VWA8: variants seen among roughly 807,000 people sequenced by gnomAD.
VWA8 encodes von Willebrand factor A domain-containing protein 8.
A neutral mutation model predicts 241.5 loss-of-function variants in VWA8; 221 were observed. That is an observed-to-expected ratio of 0.91 (90% CI 0.82 to 1.02). VWA8 has a LOEUF of 1.02. Ranked by LOEUF, VWA8 falls within the 50% of genes least tolerant of loss-of-function variation. The probability of loss-of-function intolerance (pLI) is 0.00; values close to 1 mark genes in which losing one functional copy is unlikely to be tolerated. For missense variants in VWA8, 2,322 were observed against 2,328.7 expected (o/e 1.00, Z 0.06); for synonymous variants, 852 against 827.1 (o/e 1.03, Z -0.52).
chr13:41,758,778 T>A (rs973488962), intron 21 of VWA8, among the ~76,000 whole-genome samples: 4 of 151,290 alleles, frequency 2.6e-5, no homozygotes, highest in African/African-American at 9.7e-5. Flanking sequence ...TAGTCTTTCA[T>A]TTTTAAATAT....
rs567585859 is a variant in VWA8, at chr13:41,724,307, A to G, written c.2759-2732T>C. 2.0e-5 allele frequency among the ~76,000 whole-genome samples: 3 copies of G among 152,326 alleles called. No homozygotes were observed. The South Asian group carries it at 6.2e-4, about 32-fold the overall frequency. ...TTTTGAGTACAAATGACTGTGAGGA[A>G]TTTTGTTACAAAGGAGAAGAAAAAA... On this transcript the variant is annotated intron_variant, in intron 24 of 44. Transcript: ENST00000379310.
intron 2 of VWA8, among the ~76,000 whole-genome samples, chr13:41,912,485 A>C (rs1012375505): frequency 1.3e-5 from 2 of 152,140 alleles, no homozygotes; most frequent in Admixed American, 6.5e-5. Context: ...CATTTGAATA[A>C]TAACCTATAA....
At chr13:41,830,405 G>T in intron 14 of VWA8, 124 bp downstream of exon 14, 1 of 785,666 alleles carries the variant, frequency 1.3e-6, no homozygotes, top group Non-Finnish European at 2.0e-6. Context: ...GGCATATCCA[G>T]GACACCAAAT....
chr13:41,795,629 A>G (rs1211124428), intron 17 of VWA8, among the ~76,000 whole-genome samples: 14 of 152,238 alleles, frequency 9.2e-5, no homozygotes, highest in African/African-American at 3.4e-4. Flanking sequence ...AAGGAATGAG[A>G]TAATGTCCTT....
intron 2 of VWA8, among the ~76,000 whole-genome samples, chr13:41,929,424 A>G (rs1877003258): frequency 6.6e-6 from 1 of 152,170 alleles, no homozygotes; most frequent in African/African-American, 2.4e-5. Context: ...AGGTACTGGG[A>G]TTACAGGCAT....
intron 44 of VWA8, 115 bp downstream of exon 44, chr13:41,570,353 G>T: frequency 1.1e-6 from 1 of 919,804 alleles, no homozygotes; most frequent in Non-Finnish European, 1.6e-6. Flanking sequence ...TTTAGTTTCT[G>T]TTTTTCCTCC....
chr13:41,898,723 C>A (rs1256662827), intron 4 of VWA8, among the ~76,000 whole-genome samples: 1 of 152,184 alleles, frequency 6.6e-6, no homozygotes, highest in Non-Finnish European at 1.5e-5. Context: ...AGGCCTGCCC[C>A]GCGGGAAGGC....
At chr13:41,704,755 C>A (rs1356737129) in intron 26 of VWA8, among the ~76,000 whole-genome samples, 1 of 152,082 alleles carries the variant, frequency 6.6e-6, no homozygotes, top group Admixed American at 6.6e-5. Flanking sequence ...AAGTGTAAGC[C>A]AAGTCTTCAC....
intron 5 of VWA8, among the ~76,000 whole-genome samples, chr13:41,888,371 G>T (rs951853427): frequency 6.6e-6 from 1 of 152,106 alleles, no homozygotes; most frequent in Non-Finnish European, 1.5e-5. Context: ...TCTTAAGATG[G>T]CACTTAAGGC....
Position 41,681,635 on chromosome 13 carries a change from T to C in VWA8, c.4327+3412A>G, listed in dbSNP as rs71427490. On this transcript the variant is annotated intron_variant, in intron 35 of 44. Coordinates refer to ENST00000379310, the MANE Select transcript of VWA8 (RefSeq NM_015058.2). ...CCATACTGGTAATGACTTACCAATA[T>C]GGGTGGTGGGTGCAAAGATGTTCTT... Among the ~76,000 whole-genome samples the C allele has an allele frequency of 7.8e-3, 1,192 of 152,222 alleles. 6 individuals are homozygous for C. The highest frequency in any genetic ancestry group is 0.016 in the South Asian group (78 of 4,828).
chr13:41,943,499 A>G (rs1173798254), intron 2 of VWA8, among the ~76,000 whole-genome samples: 1 of 152,244 alleles, frequency 6.6e-6, no homozygotes. Context: ...CACAATGAGC[A>G]CTAACTTTAA....
intron 13 of VWA8, among the ~76,000 whole-genome samples, chr13:41,833,048 T>TATAGAAA (rs1324543458): frequency 6.6e-6 from 1 of 152,106 alleles, no homozygotes; most frequent in Non-Finnish European, 1.5e-5. Context: ...TATAGAAACT[T>TATAGAAA]CAGCAATGTG....
chr13:41,693,537 G>C (rs1454599865), intron 29 of VWA8, among the ~76,000 whole-genome samples: 1 of 152,064 alleles, frequency 6.6e-6, no homozygotes, highest in Non-Finnish European at 1.5e-5. Context: ...AGCTAGTAAT[G>C]AATGTTCCTT....
At chr13:41,796,129 C>T (rs73183389) in intron 17 of VWA8, among the ~76,000 whole-genome samples, 33,707 of 152,024 alleles carry the variant, frequency 0.22, 3,738 homozygotes, top group African/African-American at 0.25. Flanking sequence ...TTTGCATCCA[C>T]TCCATGAGCA....
intron 2 of VWA8, among the ~76,000 whole-genome samples, chr13:41,931,327 T>C (rs1421201958): frequency 4.6e-5 from 6 of 131,290 alleles, no homozygotes; most frequent in African/African-American, 1.7e-4. Context: ...CTCACTTATA[T>C]GTGGAATCTG....
At chr13:41,609,954 GTCC>G (rs1388568537) in intron 39 of VWA8, among the ~76,000 whole-genome samples, 1 of 152,158 alleles carries the variant, frequency 6.6e-6, no homozygotes, top group Admixed American at 6.5e-5. Flanking sequence ...TAGGGCAATT[GTCC>G]TGAAGAGAAC....
intron 37 of VWA8, among the ~76,000 whole-genome samples, chr13:41,651,327 T>A (rs983384922): frequency 6.6e-6 from 1 of 152,224 alleles, no homozygotes; most frequent in Non-Finnish European, 1.5e-5. Flanking sequence ...TTGGACAGTA[T>A]CTCCTTTATT....
intron 40 of VWA8, among the ~76,000 whole-genome samples, chr13:41,603,536 T>G (rs909591017): frequency 6.6e-6 from 1 of 152,144 alleles, no homozygotes; most frequent in African/African-American, 2.4e-5. Context: ...CAATTAAAAA[T>G]GTATTCTTAT....
chr13:41,847,145 G>A (rs549841388), intron 12 of VWA8, among the ~76,000 whole-genome samples: 5 of 152,150 alleles, frequency 3.3e-5, no homozygotes, highest in South Asian at 2.1e-4. Flanking sequence ...ACTGTTTCAG[G>A]TGCTGAGAAT....
Sources: gnomAD v4.1 joint callset for allele counts (sites outside exome capture counted in the v4.1 genomes callset) on GRCh38, gnomAD v4.1.1 for gene constraint, MANE v1.5 for transcripts, NCBI Gene and HGNC (gene_info 2026-07-23, HGNC 2026-07-21) for gene names.